Variants in SOX5 observed in about 807,000 individuals in gnomAD.
The protein encoded by SOX5 is SRY-box transcription factor 5, also known as transcription factor SOX-5.
Under a neutral mutation model 92.0 loss-of-function variants are expected in SOX5, and 9 were observed. The ratio of observed to expected loss-of-function variants is 0.10; its 90% confidence interval spans 0.06 to 0.17. SOX5 has a LOEUF of 0.17. Ranked by LOEUF, SOX5 falls within the 10% of genes least tolerant of loss-of-function variation. The pLI, the probability that SOX5 is intolerant of heterozygous loss-of-function variation, is 1.00. For synonymous variants in SOX5, 344 were observed against 336.3 expected (o/e 1.02, Z -0.25); for missense variants, 642 against 944.5 (o/e 0.68, Z 4.20).
At chr12:23,907,634 A>T (rs981874017) in intron 1 of SOX5, among the ~76,000 whole-genome samples, 4 of 152,060 alleles carry the variant, frequency 2.6e-5, no homozygotes, top group Admixed American at 2.6e-4. Context: ...ATGCGTATAT[A>T]TGGGAATGTT....
intron 2 of SOX5, among the ~76,000 whole-genome samples, chr12:24,337,036 G>A (rs1431470393): frequency 2.0e-5 from 3 of 152,158 alleles, no homozygotes; most frequent in African/African-American, 7.2e-5. Flanking sequence ...GAAATTAAGA[G>A]TATGAGATCT....
At chr12:24,427,538 TAATTGAGTGC>T (rs1390674896) in intron 1 of SOX5, among the ~76,000 whole-genome samples, 1 of 152,334 alleles carries the variant, frequency 6.6e-6, no homozygotes, top group Middle Eastern at 3.4e-3. Context: ...TCTTCAGGAT[TAATTGAGTGC>T]AATCTTTTAT....
intron 7 of SOX5, among the ~76,000 whole-genome samples, chr12:23,661,312 C>G (rs1398255112): frequency 6.6e-6 from 1 of 152,126 alleles, no homozygotes; most frequent in East Asian, 1.9e-4. Flanking sequence ...ATAAAACAAT[C>G]ATCTCTAATT....
At chr12:24,453,833 G>C (rs1314407841) in intron 1 of SOX5, among the ~76,000 whole-genome samples, 1 of 152,186 alleles carries the variant, frequency 6.6e-6, no homozygotes, top group East Asian at 1.9e-4. Flanking sequence ...TGCTTTAATA[G>C]AGTGGCTTCA....
intron 4 of SOX5, among the ~76,000 whole-genome samples, chr12:24,042,832 TTACTCA>T (rs1956649254): frequency 1.3e-5 from 2 of 152,302 alleles, no homozygotes; most frequent in South Asian, 4.1e-4. Flanking sequence ...GTCTCATATT[TTACTCA>T]TGACTAAAAT....
chr12:23,996,485 T>C (rs1007956393), intron 4 of SOX5, among the ~76,000 whole-genome samples: 8 of 152,106 alleles, frequency 5.3e-5, no homozygotes, highest in Non-Finnish European at 1.2e-4. Context: ...TGAAAAGAAG[T>C]ACTCAAAAAT....
At chr12:24,355,330 T>A (rs501855) in intron 2 of SOX5, among the ~76,000 whole-genome samples, 4 of 121,530 alleles carry the variant, frequency 3.3e-5, no homozygotes, top group South Asian at 5.9e-4. Context: ...TTTTTTGAGA[T>A]GGAGTCTCGC....
In SOX5 at chr12:23,584,426, G is replaced by A. The variant is rs114699027; in HGVS notation, c.1165-8588C>T. The A allele has an allele frequency of 3.1e-3, 2,454 of 796,236 alleles. 49 individuals carry two copies. The African/African-American group carries it at 0.036, about 12-fold the overall frequency. The allele number at this position is 796,236 out of a possible 1,614,324, so 49.3% of individuals were successfully genotyped here. ...GTTTGGTCTGGTTATACGCAGATAG[G>A]CCATCTTTAGATAACAACCTGGCAG... On this transcript the variant is annotated intron_variant, in intron 9 of 14. Coordinates refer to ENST00000451604, the MANE Select transcript of SOX5 (RefSeq NM_006940.6).
chr12:24,371,192 G>A (rs1956697740), intron 1 of SOX5, among the ~76,000 whole-genome samples: 1 of 152,216 alleles, frequency 6.6e-6, no homozygotes, highest in African/African-American at 2.4e-5. Context: ...CTTCAGAATA[G>A]AAAGTACACA....
chr12:24,209,785 G>A (rs1188183992), intron 4 of SOX5, among the ~76,000 whole-genome samples: 1 of 151,732 alleles, frequency 6.6e-6, no homozygotes, highest in Non-Finnish European at 1.5e-5. Context: ...TTGGGAGGCC[G>A]AGGCGGGCGG....
chr12:24,440,798 A>G (rs533412860), intron 1 of SOX5, among the ~76,000 whole-genome samples: 6 of 152,228 alleles, frequency 3.9e-5, no homozygotes, highest in Non-Finnish European at 7.4e-5. Flanking sequence ...AGATTTTTCA[A>G]TCTCCCAGAC....
At chr12:23,878,809 A>G (rs1453253297) in intron 2 of SOX5, among the ~76,000 whole-genome samples, 1 of 152,078 alleles carries the variant, frequency 6.6e-6, no homozygotes, top group Non-Finnish European at 1.5e-5. Flanking sequence ...CAAATATTAA[A>G]GAACTCCTCA....
At chr12:24,160,284 T>C (rs1006569582) in intron 4 of SOX5, among the ~76,000 whole-genome samples, 2 of 151,994 alleles carry the variant, frequency 1.3e-5, no homozygotes, top group African/African-American at 4.8e-5. Context: ...ACATCTATAG[T>C]AGGAAAAATA....
intron 2 of SOX5, among the ~76,000 whole-genome samples, chr12:23,855,436 T>C (rs1195007513): frequency 1.3e-5 from 2 of 152,052 alleles, no homozygotes; most frequent in Non-Finnish European, 2.9e-5. Flanking sequence ...AGATGTTCAG[T>C]TACTACTCAT....
intron 3 of SOX5, among the ~76,000 whole-genome samples, chr12:24,253,863 T>C (rs1940644797): frequency 6.6e-6 from 1 of 152,162 alleles, no homozygotes; most frequent in African/African-American, 2.4e-5. Context: ...TTATAGACAA[T>C]ATGTTCTTGT....
intron 2 of SOX5, among the ~76,000 whole-genome samples, chr12:23,881,302 A>G (rs1358704546): frequency 6.6e-6 from 1 of 152,006 alleles, no homozygotes; most frequent in Non-Finnish European, 1.5e-5. Context: ...CTCACATGTA[A>G]ATCTCTCTAT....
At chr12:23,606,143 C>T (rs1592509135) in intron 8 of SOX5, among the ~76,000 whole-genome samples, 1 of 151,972 alleles carries the variant, frequency 6.6e-6, no homozygotes, top group South Asian at 2.1e-4. Context: ...ATTTAAAAAG[C>T]ACTTCTTTCT....
intron 11 of SOX5, among the ~76,000 whole-genome samples, chr12:23,562,918 C>G (rs1946462236): frequency 6.6e-6 from 1 of 152,174 alleles, no homozygotes; most frequent in South Asian, 2.1e-4. Flanking sequence ...CATTTCAAAT[C>G]CAGCTCATCC....
intron 4 of SOX5, among the ~76,000 whole-genome samples, chr12:24,162,571 T>C (rs187779615): frequency 6.5e-4 from 99 of 152,244 alleles, no homozygotes; most frequent in South Asian, 3.7e-3. Flanking sequence ...TAAACCACCA[T>C]ATTCTGTATT....
Sources: gnomAD v4.1 joint callset for allele counts (sites outside exome capture counted in the v4.1 genomes callset) on GRCh38, gnomAD v4.1.1 for gene constraint, MANE v1.5 for transcripts, NCBI Gene and HGNC (gene_info 2026-07-23, HGNC 2026-07-21) for gene names.